STXBP5L: variants seen among roughly 807,000 people sequenced by gnomAD.
STXBP5L encodes syntaxin-binding protein 5-like.
A neutral mutation model predicts 144.5 loss-of-function variants in STXBP5L; 65 were observed. That is an observed-to-expected ratio of 0.45 (90% CI 0.37 to 0.55). The LOEUF is 0.55. STXBP5L is among the 20% of genes least tolerant of loss of function. The pLI is 0.00. For missense variants in STXBP5L, 1,298 were observed against 1,405.5 expected (o/e 0.92, Z 1.22); for synonymous variants, 505 against 469.6 (o/e 1.08, Z -0.97).
At position 121,021,093 on chromosome 3, in the gene STXBP5L, G is replaced by A. The variant is rs188668900; in HGVS notation, c.288-20607G>A. Among the ~76,000 whole-genome samples, 7 of 151,828 alleles carry A rather than the reference G, an allele frequency of 4.6e-5. No individual in the cohort carries two copies. In the East Asian group the frequency reaches 1.4e-3, roughly 29 times the overall value. Reference sequence around the variant, plus strand: ...TGGAAAAACATAGTCCATGCAACTGGACACCAGAAGCAAGCAGGAGTAGCT... The same window carrying A: ...TGGAAAAACATAGTCCATGCAACTGAACACCAGAAGCAAGCAGGAGTAGCT... On this transcript the variant is annotated intron_variant, in intron 3 of 26. Transcript: ENST00000471454.
intron 3 of STXBP5L, among the ~76,000 whole-genome samples, chr3:120,961,647 C>T (rs943381722): frequency 1.3e-5 from 2 of 152,028 alleles, no homozygotes; most frequent in Non-Finnish European, 1.5e-5. Flanking sequence ...TGTATATGTG[C>T]CATATTTTCT....
chr3:121,147,773 A>G (rs1434807846), intron 7 of STXBP5L, among the ~76,000 whole-genome samples: 1 of 152,190 alleles, frequency 6.6e-6, no homozygotes, highest in Non-Finnish European at 1.5e-5. Context: ...AGTGGGTCTC[A>G]TCAATCAGCT....
intron 7 of STXBP5L, among the ~76,000 whole-genome samples, chr3:121,128,836 T>A (rs571667588): frequency 6.6e-6 from 1 of 152,050 alleles, no homozygotes; most frequent in East Asian, 1.9e-4. Flanking sequence ...CTCATCAGGT[T>A]TTCAAATATA....
At chr3:121,091,878 A>T (rs530636933) in intron 5 of STXBP5L, among the ~76,000 whole-genome samples, 3 of 152,168 alleles carry the variant, frequency 2.0e-5, no homozygotes, top group Admixed American at 1.3e-4. Flanking sequence ...GGTAATGCCT[A>T]GGTTTTCTTC....
intron 23 of STXBP5L, 155 bp downstream of exon 23, chr3:121,407,758 T>C (rs2047027712): frequency 3.6e-6 from 4 of 1,121,498 alleles, no homozygotes; most frequent in Non-Finnish European, 3.7e-6. Flanking sequence ...AACGATTTGA[T>C]GAGAGTTTGG....
At chr3:121,246,643 A>C (rs1286199391) in intron 14 of STXBP5L, among the ~76,000 whole-genome samples, 1 of 152,220 alleles carries the variant, frequency 6.6e-6, no homozygotes, top group South Asian at 2.1e-4. Flanking sequence ...AAAGTCATTC[A>C]TAGCATCTTT....
At chr3:121,210,888 G>A (rs984701432) in intron 10 of STXBP5L, among the ~76,000 whole-genome samples, 1 of 152,024 alleles carries the variant, frequency 6.6e-6, no homozygotes, top group Non-Finnish European at 1.5e-5. Context: ...TTGTTCTTTT[G>A]GCTTAGGATT....
chr3:120,933,247 C>G (rs893759934), intron 2 of STXBP5L, among the ~76,000 whole-genome samples: 100 of 152,158 alleles, frequency 6.6e-4, no homozygotes, highest in Non-Finnish European at 2.4e-4. Context: ...ACAGGAAGCT[C>G]TGTTGTGTAT....
intron 6 of STXBP5L, among the ~76,000 whole-genome samples, chr3:121,115,606 CTG>C (rs2044199465): frequency 6.6e-6 from 1 of 152,112 alleles, no homozygotes; most frequent in African/African-American, 2.4e-5. Flanking sequence ...ATATCAAACT[CTG>C]TGGAATTTCA....
At chr3:121,075,425 G>T (rs1340039917) in intron 5 of STXBP5L, among the ~76,000 whole-genome samples, 1 of 152,038 alleles carries the variant, frequency 6.6e-6, no homozygotes, top group Non-Finnish European at 1.5e-5. Flanking sequence ...CCTTTTCCTT[G>T]GCTCTGCATC....
intron 9 of STXBP5L, among the ~76,000 whole-genome samples, chr3:121,169,927 A>G (rs551016736): frequency 2.7e-4 from 41 of 152,338 alleles, no homozygotes; most frequent in Non-Finnish European, 1.8e-4. Flanking sequence ...TTATTCTAAA[A>G]TTGACCACAT....
chr3:121,268,407 G>T lies in STXBP5L; in HGVS notation c.1958+9239G>T, dbSNP rs539537574. On this transcript the variant is annotated intron_variant, in intron 18 of 26. Coordinates refer to ENST00000471454, the MANE Select transcript of STXBP5L (RefSeq NM_001308330.2). ...ACATCACACACTGGGACCTGTCAGG[G>T]GATGGGGTGCTAGGGGAGGGGTAGC... Among the ~76,000 whole-genome samples, 8 of 152,230 alleles carry T rather than the reference G, an allele frequency of 5.3e-5. No homozygotes were observed. In the South Asian group the frequency reaches 1.7e-3, roughly 32 times the overall value.
intron 2 of STXBP5L, among the ~76,000 whole-genome samples, chr3:120,947,689 T>C (rs1710948709): frequency 6.6e-6 from 1 of 151,862 alleles, no homozygotes; most frequent in Non-Finnish European, 1.5e-5. Context: ...TCCTATTCTA[T>C]ACACTTCATG....
At chr3:121,394,858 C>T (rs1190009371) in intron 22 of STXBP5L, among the ~76,000 whole-genome samples, 1 of 151,908 alleles carries the variant, frequency 6.6e-6, no homozygotes, top group East Asian at 1.9e-4. Context: ...CCCGTCTCAG[C>T]CTCCCAAAGT....
chr3:121,169,602 G>A (rs1196459359), intron 9 of STXBP5L, among the ~76,000 whole-genome samples: 5 of 152,054 alleles, frequency 3.3e-5, no homozygotes, highest in Non-Finnish European at 7.4e-5. Flanking sequence ...GACAAAGAAG[G>A]GCATTACATA....
chr3:121,148,666 T>G (rs955066059), intron 7 of STXBP5L, among the ~76,000 whole-genome samples: 2 of 152,114 alleles, frequency 1.3e-5, no homozygotes, highest in Admixed American at 6.6e-5. Flanking sequence ...ATATACATTT[T>G]GTGAAAATGA....
chr3:120,999,075 T>C (rs182027280), intron 3 of STXBP5L, among the ~76,000 whole-genome samples: 2 of 152,232 alleles, frequency 1.3e-5, no homozygotes, highest in Admixed American at 1.3e-4. Context: ...GTCTGAGTGA[T>C]GGAGTCTCAT....
intron 11 of STXBP5L, among the ~76,000 whole-genome samples, chr3:121,223,785 C>A (rs1471716929): frequency 6.6e-6 from 1 of 151,950 alleles, no homozygotes; most frequent in Non-Finnish European, 1.5e-5. Context: ...ATAATGAAAT[C>A]TAATAATGAT....
chr3:120,976,652 G>C (rs916311599), intron 3 of STXBP5L, among the ~76,000 whole-genome samples: 1 of 151,938 alleles, frequency 6.6e-6, no homozygotes, highest in Non-Finnish European at 1.5e-5. Flanking sequence ...GTCAATTTTG[G>C]ATCTTTCCTG....
Sources: gnomAD v4.1 joint callset for allele counts (sites outside exome capture counted in the v4.1 genomes callset) on GRCh38, gnomAD v4.1.1 for gene constraint, MANE v1.5 for transcripts, NCBI Gene and HGNC (gene_info 2026-07-23, HGNC 2026-07-21) for gene names.